ZBBX: variants seen among roughly 807,000 people sequenced by gnomAD.
ZBBX encodes the protein zinc finger B-box domain-containing protein 1.
ZBBX carries 101 observed loss-of-function variants against 108.5 expected under a neutral mutation model. The ratio of observed to expected loss-of-function variants is 0.93; its 90% CI spans 0.79 to 1.10. The LOEUF (loss-of-function observed/expected upper bound fraction) is 1.10, where lower values mean the gene tolerates loss of function less well. Ranked by LOEUF, ZBBX falls within the 50% of genes least tolerant of loss-of-function variation. ZBBX has a pLI of 0.00. For missense variants in ZBBX, 1,009 were observed against 941.4 expected (o/e 1.07, Z -0.94); for synonymous variants, 356 against 323.4 (o/e 1.10, Z -1.08).
intron 9 of ZBBX, among the ~76,000 whole-genome samples, chr3:167,348,218 C>CG (rs1741840649): frequency 1.9e-4 from 4 of 21,016 alleles, no homozygotes; most frequent in Non-Finnish European, 3.0e-4. Context: ...AGGAAGGAAG[C>CG]AAGGGAGGGA....
chr3:167,198,074 C>A, the ZBBX span, among the ~76,000 whole-genome samples: 1 of 152,112 alleles, frequency 6.6e-6, no homozygotes, highest in Non-Finnish European at 1.5e-5. Context: ...TTTGTAGGAT[C>A]TCTTTTAGAA....
At chr3:167,367,144 C>T (rs1745442713) in intron 5 of ZBBX, among the ~76,000 whole-genome samples, 1 of 151,834 alleles carries the variant, frequency 6.6e-6, no homozygotes, top group African/African-American at 2.4e-5. Context: ...ATTTAATATA[C>T]AAACAGTTTG....
chr3:167,276,366 C>T (rs553105111), intron 20 of ZBBX, among the ~76,000 whole-genome samples: 1 of 152,140 alleles, frequency 6.6e-6, no homozygotes, highest in Admixed American at 6.5e-5. Context: ...GAATGTATAA[C>T]TAGAATAACC....
chr3:167,202,009 T>A, the ZBBX span, among the ~76,000 whole-genome samples: 13 of 152,118 alleles, frequency 8.5e-5, no homozygotes, highest in Non-Finnish European at 1.8e-4. Context: ...CCACTTGCAG[T>A]TTATAAAGTG....
At chr3:167,179,670 C>A in the ZBBX span, among the ~76,000 whole-genome samples, 1 of 152,142 alleles carries the variant, frequency 6.6e-6, no homozygotes, top group South Asian at 2.1e-4. Context: ...TCAATTACAG[C>A]TACAAGCTCC....
At chr3:167,380,865 T>TGCAC (rs1747658738), upstream of ZBBX, among the ~76,000 whole-genome samples, 1 of 72,272 alleles carries the variant, frequency 1.4e-5, no homozygotes, top group South Asian at 5.4e-4. Context: ...AGCAAATATA[T>TGCAC]GCACACACAC....
chr3:167,207,464 T>C, the ZBBX span, among the ~76,000 whole-genome samples: 1 of 152,200 alleles, frequency 6.6e-6, no homozygotes, highest in Non-Finnish European at 1.5e-5. Flanking sequence ...CTGCCTCTAT[T>C]ATCCAAGCCA....
intron 19 of ZBBX, among the ~76,000 whole-genome samples, chr3:167,284,431 G>C (rs963468899): frequency 6.6e-6 from 1 of 152,016 alleles, no homozygotes; most frequent in African/African-American, 2.4e-5. Flanking sequence ...CCACACTTTA[G>C]TATCTGTACT....
chr3:167,199,579 C>T, the ZBBX span, among the ~76,000 whole-genome samples: 1 of 152,088 alleles, frequency 6.6e-6, no homozygotes, highest in African/African-American at 2.4e-5. Context: ...TCTAAAAGGT[C>T]TTGTTACATA....
At chr3:167,250,498 CAT>C (rs765954698) in intron 20 of ZBBX, among the ~76,000 whole-genome samples, 41 of 151,598 alleles carry the variant, frequency 2.7e-4, no homozygotes, top group Middle Eastern at 3.4e-3. Flanking sequence ...GTATAATACA[CAT>C]GTTTCACCCA....
chr3:167,204,681 G>A, the ZBBX span, among the ~76,000 whole-genome samples: 1 of 150,462 alleles, frequency 6.6e-6, no homozygotes, highest in Admixed American at 6.7e-5. Context: ...TTGCTATTGT[G>A]AATAGTGCCG....
chr3:167,287,151 C>T (rs1560074888), intron 19 of ZBBX, among the ~76,000 whole-genome samples: 1 of 151,944 alleles, frequency 6.6e-6, no homozygotes. Flanking sequence ...ACTATTATAG[C>T]TGATAGGACA....
intron 20 of ZBBX, among the ~76,000 whole-genome samples, chr3:167,272,217 G>C (rs1412471866): frequency 6.6e-6 from 1 of 152,146 alleles, no homozygotes; most frequent in Non-Finnish European, 1.5e-5. Context: ...CCTATGGACT[G>C]CCCTATTTAC....
intron 20 of ZBBX, among the ~76,000 whole-genome samples, chr3:167,281,683 G>T (rs888315180): frequency 6.6e-6 from 1 of 152,158 alleles, no homozygotes; most frequent in Non-Finnish European, 1.5e-5. Flanking sequence ...AATAAAATGC[G>T]CAAGTATAAT....
At chr3:167,204,280 G>T in the ZBBX span, among the ~76,000 whole-genome samples, 1 of 115,600 alleles carries the variant, frequency 8.7e-6, no homozygotes, top group South Asian at 2.8e-4. Flanking sequence ...TAGGGTACAT[G>T]TGCACATTGT....
At chr3:167,364,127 C>A (rs1744959991) in intron 6 of ZBBX, among the ~76,000 whole-genome samples, 1 of 151,328 alleles carries the variant, frequency 6.6e-6, no homozygotes, top group Admixed American at 6.6e-5. Flanking sequence ...TGGGGATTGT[C>A]AAGTGCATTG....
chr3:167,374,240 T>C (rs1746608411), intron 2 of ZBBX, among the ~76,000 whole-genome samples: 1 of 152,120 alleles, frequency 6.6e-6, no homozygotes, highest in South Asian at 2.1e-4. Context: ...TTAATGATAC[T>C]CTTTGGCTCA....
chr3:167,190,377 CTTTT>C, the ZBBX span, among the ~76,000 whole-genome samples: 73 of 113,652 alleles, frequency 6.4e-4, no homozygotes, highest in Middle Eastern at 5.6e-3. Flanking sequence ...AACTTACCTA[CTTTT>C]TTTTTTTTTT....
At chr3:167,289,730 C>T (rs1730330070) in intron 18 of ZBBX, among the ~76,000 whole-genome samples, 1 of 152,158 alleles carries the variant, frequency 6.6e-6, no homozygotes, top group African/African-American at 2.4e-5. Context: ...CGAGTGGCAC[C>T]TGGAACATGA....
Sources: allele counts gnomAD v4.1 joint callset (sites outside exome capture counted in the v4.1 genomes callset), GRCh38; gene constraint gnomAD v4.1.1; transcripts MANE v1.5; gene names NCBI Gene and HGNC (gene_info 2026-07-23, HGNC 2026-07-21).